Variants in CLIC5 observed in about 807,000 individuals in gnomAD.
CLIC5 encodes chloride intracellular channel protein 5.
A neutral mutation model predicts 24.7 loss-of-function variants in CLIC5; 20 were observed. That is an observed-to-expected ratio of 0.81 (90% CI 0.57 to 1.18). The LOEUF (loss-of-function observed/expected upper bound fraction) is 1.18. Ranked by LOEUF, CLIC5 falls within the 50% of genes most tolerant of loss-of-function variation. The probability of loss-of-function intolerance (pLI) is 0.00; values close to 1 mark genes in which losing one functional copy is unlikely to be tolerated. For missense variants in CLIC5, 341 were observed against 326.1 expected, an observed-to-expected ratio of 1.05 and a Z score of -0.35; for synonymous variants, 159 against 135.6, an observed-to-expected ratio of 1.17 and a Z score of -1.20.
At position 45,941,664 on chromosome 6, in the gene CLIC5, G is replaced by A. The variant is rs1324318185; in HGVS notation, c.300-11C>T. The A allele has an allele frequency of 2.5e-6, 4 of 1,599,618 alleles. No individual in the cohort carries two copies. Among genetic ancestry groups the A allele is most frequent in the African/African-American group, 2.7e-5 (2 of 74,582 alleles). On this transcript the variant is annotated splice_polypyrimidine_tract_variant and intron_variant, in intron 3 of 5. Transcript: ENST00000339561. ...GCCAGTTTGGGGTACCTGGAATGGA[G>A]GATGCAGTGTTCTGTGAATCAGTAG...
Position 45,903,039 on chromosome 6 carries a change from G to A in CLIC5, c.*49C>T, listed in dbSNP as rs1762550192. On this transcript the variant is annotated 3_prime_UTR_variant, in exon 6 of 6. Coordinates refer to ENST00000339561, the MANE Select transcript of CLIC5 (RefSeq NM_016929.5). ...GGAGTCTATGAAGCTGGAGTCTTAG[G>A]GGAGTGGTTGAGTCCTTCTGCAGCG... 1 of 1,605,260 alleles carries A rather than the reference G, an allele frequency of 6.2e-7. No individual in the cohort carries two copies. Among genetic ancestry groups the A allele is most frequent in the South Asian group, 1.1e-5 (1 of 90,464 alleles).
chr6:45,919,181 T>C, intron 4 of CLIC5: 2 of 869,868 alleles, frequency 2.3e-6, no homozygotes, highest in Non-Finnish European at 2.8e-6. Flanking sequence ...TTTGCATTGA[T>C]ATGCTCAGTT....
At chr6:45,924,186 C>T (rs1041549383) in intron 4 of CLIC5, among the ~76,000 whole-genome samples, 1 of 152,214 alleles carries the variant, frequency 6.6e-6, no homozygotes, top group African/African-American at 2.4e-5. Flanking sequence ...TTGACTCATC[C>T]TCTGCCCTGA....
intron 1 of CLIC5, among the ~76,000 whole-genome samples, chr6:45,989,061 C>T (rs947636777): frequency 2.6e-5 from 4 of 152,216 alleles, no homozygotes; most frequent in Non-Finnish European, 5.9e-5. Flanking sequence ...CCTGGAAGTG[C>T]TGATGTGCAG....
chr6:45,912,619 A>T (rs748108675), intron 5 of CLIC5: 661 of 1,471,146 alleles, frequency 4.5e-4, no homozygotes, highest in Non-Finnish European at 5.6e-4. Flanking sequence ...GCCTCAGCTC[A>T]TGCTGCTAGT....
chr6:46,112,831 C>G, the CLIC5 span, among the ~76,000 whole-genome samples: 4 of 152,064 alleles, frequency 2.6e-5, no homozygotes, highest in Non-Finnish European at 4.4e-5. Flanking sequence ...CCAAGATGGG[C>G]AGATCACCTG....
intron 1 of CLIC5, among the ~76,000 whole-genome samples, chr6:46,001,589 G>GCCCC (rs1205475799): frequency 2.0e-5 from 3 of 152,140 alleles, no homozygotes; most frequent in African/African-American, 7.2e-5. Context: ...CCAGGTCCCA[G>GCCCC]CTGGCTTCCC....
upstream of CLIC5, among the ~76,000 whole-genome samples, chr6:46,017,000 C>T (rs986865439): frequency 1.3e-5 from 2 of 152,346 alleles, no homozygotes; most frequent in South Asian, 4.1e-4. Context: ...AACATTCTCT[C>T]TATCAAACAT....
At chr6:45,958,971 A>G (rs1764761022) in intron 1 of CLIC5, among the ~76,000 whole-genome samples, 2 of 151,932 alleles carry the variant, frequency 1.3e-5, no homozygotes, top group African/African-American at 4.8e-5. Context: ...CATACTACAT[A>G]CATACATACA....
the CLIC5 span, among the ~76,000 whole-genome samples, chr6:46,129,051 A>T: frequency 6.6e-6 from 1 of 152,186 alleles, no homozygotes; most frequent in Non-Finnish European, 1.5e-5. Flanking sequence ...TAAATACTTA[A>T]CACTTGAGGA....
intron 1 of CLIC5, among the ~76,000 whole-genome samples, chr6:46,024,802 A>T (rs1767284513): frequency 6.6e-6 from 1 of 152,198 alleles, no homozygotes; most frequent in Non-Finnish European, 1.5e-5. Flanking sequence ...GAAGGTGGAC[A>T]TGAGGCATCA....
intron 1 of CLIC5, among the ~76,000 whole-genome samples, chr6:46,065,222 A>C (rs1293094288): frequency 6.6e-6 from 1 of 152,134 alleles, no homozygotes; most frequent in African/African-American, 2.4e-5. Context: ...CAATTTAGTG[A>C]AATGCCGTGA....
At chr6:45,919,280 G>A (rs1763156233) in intron 4 of CLIC5, among the ~76,000 whole-genome samples, 1 of 152,100 alleles carries the variant, frequency 6.6e-6, no homozygotes, top group Non-Finnish European at 1.5e-5. Flanking sequence ...CACAGCACTG[G>A]GGAGATGGGG....
chr6:46,078,359 C>CA (rs989406126), intron 1 of CLIC5, among the ~76,000 whole-genome samples: 2 of 130,950 alleles, frequency 1.5e-5, no homozygotes, highest in Non-Finnish European at 3.4e-5. Flanking sequence ...GACTCTGTCT[C>CA]AAAAAAGAAA....
the CLIC5 span, among the ~76,000 whole-genome samples, chr6:46,124,119 T>C: frequency 3.3e-5 from 5 of 152,056 alleles, no homozygotes; most frequent in East Asian, 7.7e-4. Context: ...GAGCCCACAT[T>C]GCCAAGTCAA....
At chr6:46,124,258 G>C in the CLIC5 span, among the ~76,000 whole-genome samples, 3 of 152,180 alleles carry the variant, frequency 2.0e-5, no homozygotes, top group Non-Finnish European at 4.4e-5. Context: ...GAACAGAACA[G>C]AGCCCTCAGA....
chr6:46,115,898 C>CT, the CLIC5 span, among the ~76,000 whole-genome samples: 6 of 152,212 alleles, frequency 3.9e-5, no homozygotes, highest in Non-Finnish European at 7.3e-5. Context: ...GAACCGGTAT[C>CT]TTCAGGGATG....
In CLIC5 at chr6:45,907,996, T is replaced by C. The variant is rs183153263; in HGVS notation, c.589-4741A>G. On this transcript the variant is annotated intron_variant, in intron 5 of 5. Coordinates refer to ENST00000339561, the MANE Select transcript of CLIC5 (RefSeq NM_016929.5). The stretch of plus-strand genomic sequence containing the variant: ...TGTCTTGTTACAGTTTTCAAGGCAA[T>C]TGAAAAGTGTATTTCTAGGAATTTA... Among the ~76,000 whole-genome samples, 292 of 152,270 alleles carry C rather than the reference T, an allele frequency of 1.9e-3. 1 individual carries two copies. The highest frequency in any genetic ancestry group is 6.4e-3 in the African/African-American group (265 of 41,584).
chr6:46,012,974 T>A (rs932099763), intron 1 of CLIC5, among the ~76,000 whole-genome samples: 4 of 152,250 alleles, frequency 2.6e-5, no homozygotes, highest in African/African-American at 9.6e-5. Context: ...TCTTTCCTTC[T>A]TCTTATCATT....
Sources: allele counts gnomAD v4.1 joint callset (sites outside exome capture counted in the v4.1 genomes callset), GRCh38; gene constraint gnomAD v4.1.1; transcripts MANE v1.5; gene names NCBI Gene and HGNC (gene_info 2026-07-23, HGNC 2026-07-21).